TAF6L: variants seen among roughly 807,000 people sequenced by gnomAD.
TAF6L encodes TAF6-like RNA polymerase II p300/CBP-associated factor-associated factor 65 kDa subunit 6L.
Under a neutral mutation model 57.3 loss-of-function variants are expected in TAF6L, and 34 were observed. The ratio of observed to expected loss-of-function variants is 0.59; its 90% CI spans 0.45 to 0.79. The LOEUF is 0.79. TAF6L is among the 30% of genes least tolerant of loss of function. The pLI is 0.00. For missense variants in TAF6L, 782 were observed against 853.2 expected, an observed-to-expected ratio of 0.92 and a Z score of 1.04; for synonymous variants, 417 against 376.3, an observed-to-expected ratio of 1.11 and a Z score of -1.25.
chr11:62,786,056 G>T (rs1385677787), intron 9 of TAF6L: 5 of 602,324 alleles, frequency 8.3e-6, no homozygotes, highest in Non-Finnish European at 1.4e-5. Context: ...GTCTCCCTTT[G>T]TACCTTATCT....
Position 62,774,569 on chromosome 11 carries a change from C to A in TAF6L, c.-13-1202C>A, listed in dbSNP as rs141272549. On this transcript the variant is annotated intron_variant, in intron 1 of 10. Transcript: ENST00000294168. ...GGCCTTCCTGTCTGAGGTGTGGATG[C>A]ATCACTTTGGCGCACGGGAGCCTAC... is the stretch of plus-strand genomic sequence containing the variant. 7.6e-4 allele frequency: 347 copies of A among 454,538 alleles called. 1 individual carries two copies. The East Asian group carries it at 9.9e-3, about 13-fold the overall frequency. The allele number at this position is 454,538 out of a possible 1,614,324, so 28.2% of individuals were successfully genotyped here. A position where few individuals can be genotyped will look rare whatever the true frequency, so the allele number is the denominator to read the frequency against.
Position 62,782,754 on chromosome 11 carries a change from C to T in TAF6L, c.889C>T (p.Leu297=), listed in dbSNP as rs2134717762. The change falls in exon 9 of 11, where the codon CTG becomes TTG. Residue 297 remains leucine (L), a synonymous_variant. Transcript: ENST00000294168. ...QHILLSLQKI[L]ADPVRPLCCH... ...TATCCTGCTATCCCTGCAGAAGATC[C>T]TGGCAGATCCTGTGCGGCCGCTCTG... is the stretch of plus-strand genomic sequence containing the variant. 1.2e-6 allele frequency: 2 copies of T among 1,613,058 alleles called. No individual in the cohort carries two copies. The highest frequency in any genetic ancestry group is 8.5e-7 in the Non-Finnish European group (1 of 1,180,026).
chr11:62,777,261 A>G (rs986946216), intron 3 of TAF6L, among the ~76,000 whole-genome samples: 1 of 152,190 alleles, frequency 6.6e-6, no homozygotes, highest in Non-Finnish European at 1.5e-5. Context: ...TGGAAGGCGT[A>G]GGTTGCAGTG....
intron 6 of TAF6L, among the ~76,000 whole-genome samples, chr11:62,780,425 C>T (rs996149462): frequency 6.6e-6 from 1 of 151,644 alleles, no homozygotes; most frequent in South Asian, 2.1e-4. Flanking sequence ...GCAGGAGAAT[C>T]GCTTGAACCT....
At chr11:62,776,756 C>T (rs1385816278) in intron 3 of TAF6L, among the ~76,000 whole-genome samples, 1 of 150,926 alleles carries the variant, frequency 6.6e-6, no homozygotes, top group Non-Finnish European at 1.5e-5. Context: ...GAAACTGAGG[C>T]ATGAGAATCG....
chr11:62,772,594 C>T (rs1229205938), intron 1 of TAF6L, among the ~76,000 whole-genome samples: 1 of 149,884 alleles, frequency 6.7e-6, no homozygotes, highest in African/African-American at 2.5e-5. Context: ...ACTTTGGAGG[C>T]CGAGGTGGGC....
intron 9 of TAF6L, among the ~76,000 whole-genome samples, chr11:62,784,357 T>G (rs974130163): frequency 2.7e-5 from 4 of 146,616 alleles, no homozygotes; most frequent in Non-Finnish European, 6.0e-5. Context: ...CAGGCTGGAG[T>G]CCAGTGGCGC....
At chr11:62,778,416 G>T (rs2084203138) in intron 5 of TAF6L, 81 bp downstream of exon 5, 1 of 1,523,326 alleles carries the variant, frequency 6.6e-7, no homozygotes, top group African/African-American at 1.4e-5. Context: ...GTGCCCCCGA[G>T]TCTGCGTCTA....
At chr11:62,781,992 G>C (rs1292364168) in intron 7 of TAF6L, 24 bp downstream of exon 7, 2 of 1,612,732 alleles carry the variant, frequency 1.2e-6, no homozygotes, top group Admixed American at 1.7e-5. Context: ...CTGGGACAGG[G>C]AGAATGTTTT....
chr11:62,786,117 G>A, intron 9 of TAF6L, 143 bp from the exon 10 acceptor site: 1 of 1,004,684 alleles, frequency 1.0e-6, no homozygotes, highest in Non-Finnish European at 1.5e-6. Flanking sequence ...ATAAATATAT[G>A]GTTGAATATG....
In TAF6L at chr11:62,787,240, A is replaced by G. The variant is rs1189490301; in HGVS notation, c.1813A>G (p.Ser605Gly). 1.3e-6 allele frequency: 2 copies of G among 1,565,814 alleles called. No individual in the cohort carries two copies. The highest frequency in any genetic ancestry group is 3.6e-5 in the Admixed American group (2 of 55,976). Residue 605 changes from serine (S) to glycine (G), a missense_variant, in exon 11 of 11, where the codon AGC (serine) becomes GGC (glycine). By Grantham distance (56) the Ser-to-Gly change is moderately conservative. This residue lies in a region of TAF6L where 483 missense variants were observed against 445.1 expected (regional missense o/e 1.09). Transcript: ENST00000294168. ...GAAACTGCCCATGATCGGCCGTACC[A>G]GCCGCCCCGCCCGCCGGTGGGCGCT... The part of the protein sequence containing the change: ...VQKLPMIGRT[S>G]RPARRWALSD...
In TAF6L at chr11:62,785,106, G is replaced by A. The variant is rs368729704; in HGVS notation, c.961-1154G>A. ...GATCCTTTGGCCTTCCCAAAGTGCT[G>A]GGATTACAAGCGTGAGGCACTGCAC... is the stretch of plus-strand genomic sequence containing the variant. On this transcript the variant is annotated intron_variant, in intron 9 of 10. Coordinates refer to ENST00000294168, the MANE Select transcript of TAF6L (RefSeq NM_006473.4). Among the ~76,000 whole-genome samples the A allele has an allele frequency of 3.3e-5, 5 of 152,162 alleles. No homozygotes were observed. In the East Asian group the frequency reaches 9.6e-4, roughly 29 times the overall value.
At position 62,771,405 on chromosome 11, in the gene TAF6L, G is replaced by T; in HGVS notation, c.-99G>T. 6.5e-6 allele frequency: 1 copy of T among 154,152 alleles called. No individual in the cohort carries two copies. Among genetic ancestry groups the T allele is most frequent in the South Asian group, 1.7e-4 (1 of 5,938 alleles). 9.5% of individuals were successfully genotyped at this position (154,152 alleles called of 1,614,324 possible). On this transcript the variant is annotated 5_prime_UTR_variant, in exon 1 of 11. An upstream start codon of the reference 5' UTR is lost. Transcript: ENST00000294168. ...GGGCCGGGGCCCCGGGAGAGGGAAT[G>T]AGTGTGAGCTCGTGAGTGGGCGCCG...
intron 1 of TAF6L, among the ~76,000 whole-genome samples, chr11:62,773,120 C>T (rs1322860270): frequency 2.0e-5 from 3 of 148,784 alleles, no homozygotes; most frequent in African/African-American, 7.5e-5. Flanking sequence ...GGATTACAGG[C>T]GTGAGCCACC....
chr11:62,785,070 T>C (rs2084260061), intron 9 of TAF6L, among the ~76,000 whole-genome samples: 1 of 152,110 alleles, frequency 6.6e-6, no homozygotes, highest in African/African-American at 2.4e-5. Context: ...CTCAAACTCC[T>C]TGGTTTAAGT....
chr11:62,771,778 CG>C (rs1444139557), intron 1 of TAF6L: 8 of 225,140 alleles, frequency 3.6e-5, no homozygotes, highest in African/African-American at 1.8e-4. Context: ...GGCTGAGGAG[CG>C]GGAGACTTTG....
At position 62,786,862 on chromosome 11, in the gene TAF6L, C is replaced by T; in HGVS notation, c.1435C>T (p.Pro479Ser). ...GGACAAGAAGGAGCCGGCGGCAGCC[C>T]CGGACTCGGTGCGGAAGATGCCGCA... ...PGDKKEPAAA[P>S]DSVRKMPQLT... Residue 479 changes from proline to serine, a missense_variant, in exon 11 of 11, where the codon CCG becomes TCG. Around this residue, in one of 3 missense-constraint regions of TAF6L, gnomAD observed 483 missense variants for 445.1 expected, o/e 1.09. Transcript: ENST00000294168. 6.3e-6 allele frequency: 10 copies of T among 1,590,950 alleles called. No homozygotes were observed. Among genetic ancestry groups the T allele is most frequent in the Admixed American group, 1.7e-5 (1 of 58,400 alleles).
chr11:62,773,150 A>C (rs2084162183), intron 1 of TAF6L, among the ~76,000 whole-genome samples: 1 of 135,422 alleles, frequency 7.4e-6, no homozygotes, highest in Admixed American at 7.5e-5. Context: ...CTATAATTAC[A>C]AATTTTTTTT....
At chr11:62,776,553 C>A in intron 3 of TAF6L, 83 bp downstream of exon 3, 1 of 1,404,440 alleles carries the variant, frequency 7.1e-7, no homozygotes, top group Non-Finnish European at 1.0e-6. Context: ...TGTGGTGAGA[C>A]ATTAAGACCA....
Sources: gnomAD v4.1 joint callset for allele counts (sites outside exome capture counted in the v4.1 genomes callset) on GRCh38, gnomAD v4.1.1 for gene constraint, gnomAD v4.1.1 regional missense constraint, MANE v1.5 for transcripts, NCBI Gene and HGNC (gene_info 2026-07-23, HGNC 2026-07-21) for gene names.